NIT2: variants seen among roughly 807,000 people sequenced by gnomAD.
NIT2 encodes the protein omega-amidase NIT2.
Under a neutral mutation model 42.7 loss-of-function variants are expected in NIT2, and 46 were observed. That is an observed-to-expected ratio of 1.08 (90% CI 0.85 to 1.38). NIT2 has a LOEUF of 1.38. NIT2 is among the 40% of genes most tolerant of loss of function. The probability of loss-of-function intolerance (pLI) is 0.00; values close to 1 mark genes in which losing one functional copy is unlikely to be tolerated. For synonymous variants in NIT2, 123 were observed against 121.9 expected, an observed-to-expected ratio of 1.01 and a Z score of -0.06; for missense variants, 309 against 342.5, an observed-to-expected ratio of 0.90 and a Z score of 0.77.
Position 100,341,137 on chromosome 3 carries a change from A to C in NIT2, c.312A>C (p.Gly104=). The C allele has an allele frequency of 6.2e-7, 1 of 1,613,108 alleles. No individual in the cohort carries two copies. Among genetic ancestry groups the C allele is most frequent in the Non-Finnish European group, 8.5e-7 (1 of 1,179,118 alleles). ...CCTGTGCTGTGTTTGGGCCTGATGG[A>C]ACTTTACTAGCAAAGTATAGAAAGG... The part of the protein sequence containing the change: ...YNTCAVFGPD[G]TLLAKYRKIH... The change falls in exon 4 of 10, where the codon GGA becomes GGC. Residue 104 remains glycine (G), a synonymous_variant. Transcript: ENST00000394140.
chr3:100,351,548 A>G (rs1270988777), intron 7 of NIT2, among the ~76,000 whole-genome samples: 2 of 152,230 alleles, frequency 1.3e-5, no homozygotes, highest in African/African-American at 4.8e-5. Flanking sequence ...AAAACTGGCT[A>G]GCCATATGTA....
intron 1 of NIT2, among the ~76,000 whole-genome samples, chr3:100,335,758 G>A (rs545575198): frequency 4.7e-4 from 72 of 152,342 alleles, no homozygotes; most frequent in African/African-American, 1.6e-3. Context: ...AATCCCAACA[G>A]TTTGGGAAGC....
intron 4 of NIT2, among the ~76,000 whole-genome samples, chr3:100,341,448 T>A (rs1214380): frequency 0.16 from 24,830 of 151,920 alleles, 3,820 homozygotes; most frequent in East Asian, 0.5. Context: ...GGCTCACTGC[T>A]AGCTCTGCCT....
chr3:100,345,587 C>T lies in NIT2; in HGVS notation c.339C>T (p.Ile113=). Residue 113 remains isoleucine, a splice_region_variant and synonymous_variant, in exon 5 of 10, where the codon ATC becomes ATT. Coordinates refer to ENST00000394140, the MANE Select transcript of NIT2 (RefSeq NM_020202.5). ...CAAATCCATTATTTGTGATGCAGATCCATCTGTTTGACATTGATGTTCCTG... is the reference window on the plus strand; with the variant it reads ...CAAATCCATTATTTGTGATGCAGATTCATCTGTTTGACATTGATGTTCCTG... ...DGTLLAKYRK[I]HLFDIDVPGK... 2 of 1,603,078 alleles carry T rather than the reference C, an allele frequency of 1.2e-6. No individual in the cohort carries two copies. The highest frequency in any genetic ancestry group is 1.7e-6 in the Non-Finnish European group (2 of 1,170,764).
Position 100,356,926 on chromosome 3 carries a change from T to C in NIT2, c.*1658T>C, listed in dbSNP as rs1350898648. The C allele has an allele frequency of 1.3e-5, 2 of 152,184 alleles. No individual in the cohort carries two copies. Among genetic ancestry groups the C allele is most frequent in the African/African-American group, 4.8e-5 (2 of 41,434 alleles). The allele number at this position is 152,184 out of a possible 1,614,324, so 9.4% of individuals were successfully genotyped here. A position where few individuals can be genotyped will look rare whatever the true frequency, so the allele number is the denominator to read the frequency against. ...CTCAAAATCACTTGGAACTCAAAAT[T>C]ACTTCTTTCACTCAAAATCACTCAA... On this transcript the variant is annotated 3_prime_UTR_variant, in exon 10 of 10. Coordinates refer to ENST00000394140, the MANE Select transcript of NIT2 (RefSeq NM_020202.5).
Position 100,339,846 on chromosome 3 carries a change from A to G in NIT2, c.158A>G (p.Tyr53Cys). Residue 53 changes from tyrosine (Y) to cysteine (C), a missense_variant, in exon 3 of 10, where the codon TAT becomes TGT. Tyr to Cys is a radical substitution (Grantham distance 194). Coordinates refer to ENST00000394140, the MANE Select transcript of NIT2 (RefSeq NM_020202.5). The stretch of plus-strand genomic sequence containing the variant: ...TTTAATTCTCCATATGGAGCGAAAT[A>G]TTTTCCTGAATATGCAGAGAAAATT... ...ECFNSPYGAK[Y>C]FPEYAEKIPG... 2 of 1,611,820 alleles carry G rather than the reference A, an allele frequency of 1.2e-6. No homozygotes were observed. Among genetic ancestry groups the G allele is most frequent in the African/African-American group, 1.3e-5 (1 of 74,872 alleles).
chr3:100,356,682 T>A lies in NIT2; in HGVS notation c.*1414T>A, dbSNP rs989571998. On this transcript the variant is annotated 3_prime_UTR_variant, in exon 10 of 10. Coordinates refer to ENST00000394140, the MANE Select transcript of NIT2 (RefSeq NM_020202.5). ...TAATTTTACTTTAAAAAAATAAGTGTGCAATTTGGTAAACTTTGACATATA... is the reference window on the plus strand; with the variant it reads ...TAATTTTACTTTAAAAAAATAAGTGAGCAATTTGGTAAACTTTGACATATA... 1.3e-5 allele frequency: 2 copies of A among 152,204 alleles called. No individual in the cohort carries two copies. The highest frequency in any genetic ancestry group is 4.8e-5 in the African/African-American group (2 of 41,442). The allele number at this position is 152,204 out of a possible 1,614,324, so 9.4% of individuals were successfully genotyped here.
chr3:100,340,585 G>T (rs1267892810), intron 3 of NIT2, among the ~76,000 whole-genome samples: 2 of 152,204 alleles, frequency 1.3e-5, no homozygotes, highest in Non-Finnish European at 1.5e-5. Flanking sequence ...AAAGCAAGAA[G>T]CCTGGAGATG....
At position 100,355,237 on chromosome 3, in the gene NIT2, A is replaced by AC; in HGVS notation, c.802dup (p.Leu268ProfsTer28). On this transcript the variant is annotated frameshift_variant, in exon 10 of 10. Coordinates refer to ENST00000394140, the MANE Select transcript of NIT2 (RefSeq NM_020202.5). LOFTEE classifies it high-confidence loss of function. ...CCCGTTTTTAGACAGAAGCGATCAG[A>AC]CCTCTATGCTGTGGAGATGAAAAAG... is the stretch of plus-strand genomic sequence containing the variant. The AC allele has an allele frequency of 6.2e-7, 1 of 1,614,036 alleles. No homozygotes were observed. The highest frequency in any genetic ancestry group is 8.5e-7 in the Non-Finnish European group (1 of 1,179,942).
chr3:100,338,982 A>G (rs1353753284), intron 1 of NIT2, 105 bp from the exon 2 acceptor site: 2 of 793,628 alleles, frequency 2.5e-6, no homozygotes, highest in African/African-American at 3.4e-5. Flanking sequence ...ACATTGTCAG[A>G]TGTCCCCCCG....
At chr3:100,348,112 G>A (rs999577425) in intron 6 of NIT2, among the ~76,000 whole-genome samples, 8 of 152,134 alleles carry the variant, frequency 5.3e-5, no homozygotes, top group Admixed American at 1.3e-4. Context: ...GGCTGGTCTC[G>A]AACTCCTGAC....
intron 1 of NIT2, among the ~76,000 whole-genome samples, chr3:100,338,573 T>G (rs432715): frequency 0.16 from 25,032 of 152,036 alleles, 3,879 homozygotes; most frequent in East Asian, 0.49. Flanking sequence ...CTCATGGGAA[T>G]TATGTGAGCA....
intron 7 of NIT2, among the ~76,000 whole-genome samples, chr3:100,350,645 T>C (rs762960817): frequency 2.9e-4 from 44 of 152,316 alleles, no homozygotes; most frequent in Non-Finnish European, 4.7e-4. Context: ...CAGTAGCATC[T>C]CCTTAGTCAC....
At chr3:100,336,771 G>A (rs537414204) in intron 1 of NIT2, among the ~76,000 whole-genome samples, 39 of 152,234 alleles carry the variant, frequency 2.6e-4, no homozygotes, top group East Asian at 1.2e-3. Context: ...GAGACATTCC[G>A]TTGCCCAGGG....
intron 8 of NIT2, among the ~76,000 whole-genome samples, chr3:100,354,199 C>T (rs1273187914): frequency 6.6e-6 from 1 of 152,220 alleles, no homozygotes; most frequent in African/African-American, 2.4e-5. Flanking sequence ...TACCCAGTCG[C>T]CAGAGGTTGA....
intron 8 of NIT2, among the ~76,000 whole-genome samples, chr3:100,353,777 C>CTTTTTTTT (rs397728358): frequency 2.1e-5 from 3 of 140,298 alleles, no homozygotes; most frequent in Non-Finnish European, 3.1e-5. Flanking sequence ...TTTCTTTTTT[C>CTTTTTTTT]TTTTTTTTTT....
intron 1 of NIT2, among the ~76,000 whole-genome samples, chr3:100,337,022 C>T (rs1447510994): frequency 3.9e-5 from 6 of 152,236 alleles, no homozygotes; most frequent in Non-Finnish European, 8.8e-5. Flanking sequence ...TCCCTGGGTA[C>T]TTGAGATTAG....
rs538132560 is a variant in NIT2, at chr3:100,359,778, G to A, written c.*4510G>A. 6 of 152,166 alleles carry A rather than the reference G, an allele frequency of 3.9e-5. No individual in the cohort carries two copies. Among genetic ancestry groups the A allele is most frequent in the South Asian group, 2.1e-4 (1 of 4,802 alleles). 9.4% of individuals were successfully genotyped at this position (152,166 alleles called of 1,614,324 possible). A position where few individuals can be genotyped will look rare whatever the true frequency, so the allele number is the denominator to read the frequency against. ...CTCTCCTGTTGGCTTTTCCCCACTCGTTTAAAAACAACCACTTCACTTTGC... is the reference window on the plus strand; with the variant it reads ...CTCTCCTGTTGGCTTTTCCCCACTCATTTAAAAACAACCACTTCACTTTGC... On this transcript the variant is annotated 3_prime_UTR_variant, in exon 10 of 10. Coordinates refer to ENST00000394140, the MANE Select transcript of NIT2 (RefSeq NM_020202.5).
chr3:100,340,380 CT>C (rs1433829088), intron 3 of NIT2, among the ~76,000 whole-genome samples: 1 of 151,852 alleles, frequency 6.6e-6, no homozygotes, highest in African/African-American at 2.4e-5. Flanking sequence ...TTTTACTATA[CT>C]AATAGAGGAT....
Sources: allele counts gnomAD v4.1 joint callset (sites outside exome capture counted in the v4.1 genomes callset), GRCh38; gene constraint gnomAD v4.1.1; transcripts MANE v1.5; gene names NCBI Gene and HGNC (gene_info 2026-07-23, HGNC 2026-07-21).